IDO2: variants seen among roughly 807,000 people sequenced by gnomAD.
IDO2 encodes the protein indoleamine 2,3-dioxygenase-like 1 protein.
Under a neutral mutation model 45.1 loss-of-function variants are expected in IDO2, and 46 were observed. The ratio of observed to expected loss-of-function variants is 1.02; its 90% CI spans 0.80 to 1.30. The LOEUF (loss-of-function observed/expected upper bound fraction) is 1.30, where lower values mean the gene tolerates loss of function less well. Ranked by LOEUF, IDO2 falls within the 50% of genes most tolerant of loss-of-function variation. The pLI, the probability that IDO2 is intolerant of heterozygous loss-of-function variation, is 0.00. For missense variants in IDO2, 544 were observed against 491.8 expected (o/e 1.11, Z -1.00); for synonymous variants, 218 against 184.9 (o/e 1.18, Z -1.45).
intron 7 of IDO2, 76 bp from the exon 8 acceptor site, chr8:39,989,645 A>G: frequency 9.8e-7 from 1 of 1,021,432 alleles, no homozygotes; most frequent in East Asian, 2.6e-5. Flanking sequence ...CTGGGTTCCA[A>G]CAGTATGAGG....
At chr8:39,971,348 T>C (rs1030460638) in intron 3 of IDO2, among the ~76,000 whole-genome samples, 10 of 152,188 alleles carry the variant, frequency 6.6e-5, no homozygotes, top group African/African-American at 1.9e-4. Flanking sequence ...CCTTTCAAAA[T>C]ATTACTGCTT....
intron 3 of IDO2, among the ~76,000 whole-genome samples, chr8:39,966,459 T>A (rs1488437956): frequency 1.3e-5 from 2 of 152,178 alleles, no homozygotes; most frequent in Non-Finnish European, 2.9e-5. Flanking sequence ...AGAGACTGAA[T>A]CAGTTAGCAA....
intron 1 of IDO2, among the ~76,000 whole-genome samples, chr8:39,942,662 T>G (rs565395478): frequency 6.6e-6 from 1 of 152,142 alleles, no homozygotes; most frequent in East Asian, 1.9e-4. Context: ...ACAAAATCAG[T>G]AAGAAAGTCC....
At chr8:40,000,477 G>C (rs1802118566) in intron 8 of IDO2, among the ~76,000 whole-genome samples, 1 of 151,174 alleles carries the variant, frequency 6.6e-6, no homozygotes, top group African/African-American at 2.4e-5. Flanking sequence ...GTAGGGTTTT[G>C]AACCTTGTCT....
At chr8:40,007,581 T>C (rs368644658) in intron 9 of IDO2, among the ~76,000 whole-genome samples, 1 of 152,188 alleles carries the variant, frequency 6.6e-6, no homozygotes, top group East Asian at 1.9e-4. Context: ...TTTAAAAATT[T>C]CATGCTACCA....
At chr8:40,012,122 A>T (rs1802318673) in intron 9 of IDO2, among the ~76,000 whole-genome samples, 1 of 152,164 alleles carries the variant, frequency 6.6e-6, no homozygotes, top group African/African-American at 2.4e-5. Flanking sequence ...AACAGCAAAC[A>T]CAGCAGTCTG....
chr8:39,994,411 C>A (rs1224361209), intron 8 of IDO2, among the ~76,000 whole-genome samples: 7 of 152,054 alleles, frequency 4.6e-5, no homozygotes, highest in African/African-American at 1.7e-4. Flanking sequence ...GCGTGTGCCA[C>A]CACACCCGGC....
intron 9 of IDO2, among the ~76,000 whole-genome samples, chr8:40,009,275 A>G (rs1465537220): frequency 2.6e-5 from 4 of 152,176 alleles, no homozygotes; most frequent in Admixed American, 2.0e-4. Flanking sequence ...TTGGTCCCCC[A>G]AAGTGCTGGG....
At chr8:39,987,766 A>T in intron 6 of IDO2, 105 bp from the exon 7 acceptor site, 1 of 660,252 alleles carries the variant, frequency 1.5e-6, no homozygotes, top group Non-Finnish European at 2.7e-6. Context: ...AAAGTTGTGC[A>T]GTGATTCCAC....
At chr8:39,986,061 C>T (rs1267407205) in intron 6 of IDO2, 3 of 152,516 alleles carry the variant, frequency 2.0e-5, no homozygotes, top group African/African-American at 7.2e-5. Flanking sequence ...AACTCCTGAC[C>T]TCAGGTGATC....
chr8:40,015,961 TTC>T, exon 11 of IDO2: 1 of 343,172 alleles, frequency 2.9e-6, no homozygotes, highest in East Asian at 4.0e-5. Context: ...CTTGTTGATT[TTC>T]TTAAAAAACA....
chr8:39,981,439 T>C (rs1489701745), intron 4 of IDO2, among the ~76,000 whole-genome samples: 1 of 152,046 alleles, frequency 6.6e-6, no homozygotes, highest in Non-Finnish European at 1.5e-5. Flanking sequence ...TACCATCCCC[T>C]CTGCAAACCA....
At chr8:39,978,325 TG>T (rs1196256346) in intron 3 of IDO2, among the ~76,000 whole-genome samples, 1 of 152,008 alleles carries the variant, frequency 6.6e-6, no homozygotes, top group African/African-American at 2.4e-5. Context: ...TGTCTAGAGC[TG>T]GGGAGTGGGC....
intron 7 of IDO2, among the ~76,000 whole-genome samples, chr8:39,988,207 G>A (rs937989657): frequency 1.3e-4 from 20 of 152,130 alleles, no homozygotes; most frequent in African/African-American, 4.8e-4. Context: ...ATTGGTTTGG[G>A]CAATGGGAAA....
intron 3 of IDO2, among the ~76,000 whole-genome samples, chr8:39,978,171 G>A (rs1346009722): frequency 6.6e-6 from 1 of 152,198 alleles, no homozygotes; most frequent in Non-Finnish European, 1.5e-5. Context: ...ACCTCAACCC[G>A]GGCCTGCGCT....
intron 2 of IDO2, among the ~76,000 whole-genome samples, chr8:39,954,661 T>A (rs1807863375): frequency 7.0e-6 from 1 of 142,774 alleles, no homozygotes; most frequent in Non-Finnish European, 1.5e-5. Context: ...TTTTTTTTTT[T>A]TTTTTTTTTT....
At chr8:39,952,554 C>T (rs575887630) in intron 2 of IDO2, among the ~76,000 whole-genome samples, 1 of 152,156 alleles carries the variant, frequency 6.6e-6, no homozygotes, top group East Asian at 1.9e-4. Flanking sequence ...TTCCAAGCTC[C>T]AACATTTATT....
chr8:39,967,330 G>C (rs1486471326), intron 3 of IDO2, among the ~76,000 whole-genome samples: 1 of 152,048 alleles, frequency 6.6e-6, no homozygotes, highest in Non-Finnish European at 1.5e-5. Flanking sequence ...ACAGTGTTGG[G>C]GTGAGGGTTG....
chr8:39,997,235 A>G (rs1284593865), intron 8 of IDO2, among the ~76,000 whole-genome samples: 1 of 152,224 alleles, frequency 6.6e-6, no homozygotes, highest in Non-Finnish European at 1.5e-5. Flanking sequence ...CAAAAGTGGC[A>G]TGACTCAATA....
Sources: allele counts gnomAD v4.1 joint callset (sites outside exome capture counted in the v4.1 genomes callset), GRCh38; gene constraint gnomAD v4.1.1; transcripts MANE v1.5; gene names NCBI Gene and HGNC (gene_info 2026-07-23, HGNC 2026-07-21).